POU2AF1: variants seen among roughly 807,000 people sequenced by gnomAD.
POU2AF1 encodes POU class 2 homeobox associating factor 1, also known as POU domain class 2-associating factor 1.
POU2AF1 carries 12 observed loss-of-function variants against 26.3 expected under a neutral mutation model. The observed-to-expected ratio is 0.46, with a 90% CI of 0.29 to 0.74. The LOEUF (loss-of-function observed/expected upper bound fraction) is 0.74, where lower values mean the gene tolerates loss of function less well. Among genes scored for constraint, POU2AF1 ranks in the 30% least tolerant of loss-of-function variants. POU2AF1 has a pLI of 0.09. For synonymous variants in POU2AF1, 175 were observed against 148.0 expected, an observed-to-expected ratio of 1.18 and a Z score of -1.32; for missense variants, 297 against 334.5, an observed-to-expected ratio of 0.89 and a Z score of 0.87.
intron 4 of POU2AF1, among the ~76,000 whole-genome samples, 192 bp downstream of exon 4, chr11:111,357,253 C>G (rs933078527): frequency 6.6e-6 from 1 of 152,100 alleles, no homozygotes; most frequent in Admixed American, 6.5e-5. Context: ...AGAGAGGCTG[C>G]GAGACATCTT....
intron 2 of POU2AF1, among the ~76,000 whole-genome samples, chr11:111,358,116 T>C (rs1028842552): frequency 1.3e-5 from 2 of 152,032 alleles, no homozygotes; most frequent in African/African-American, 4.8e-5. Context: ...ATTCGCTCAC[T>C]CAGGCCTTGA....
intron 1 of POU2AF1, among the ~76,000 whole-genome samples, chr11:111,367,582 A>G (rs4265625): frequency 0.64 from 97,373 of 151,898 alleles, 32,137 homozygotes; most frequent in Admixed American, 0.77. Context: ...TCTCTGCCCG[A>G]GCAAGTCCCA....
rs1001762211 is a variant in POU2AF1 at position 111,353,698 on chromosome 11, G to A, written c.*563C>T. On this transcript the variant is annotated 3_prime_UTR_variant, in exon 5 of 5. Transcript: ENST00000393067. The stretch of plus-strand genomic sequence containing the variant: ...CATACATCTTAAAATTACAGAGGGT[G>A]TGAGTGACCCTAAGATGGTTCAGCA... 26 of 236,700 alleles carry A rather than the reference G, an allele frequency of 1.1e-4. No homozygotes were observed. Among genetic ancestry groups the A allele is most frequent in the Non-Finnish European group, 1.7e-4 (21 of 120,902 alleles). The allele number at this position is 236,700 out of a possible 1,614,324, so 14.7% of individuals were successfully genotyped here.
rs925033556 is a variant in POU2AF1 at position 111,359,007 on chromosome 11, C to G, written c.17-89G>C. 17 of 1,516,746 alleles carry G rather than the reference C, an allele frequency of 1.1e-5. No individual in the cohort carries two copies. The African/African-American group carries it at 2.3e-4, about 21-fold the overall frequency. 94.0% of individuals were successfully genotyped at this position (1,516,746 alleles called of 1,614,324 possible). On this transcript the variant is annotated intron_variant, in intron 1 of 4. Transcript: ENST00000393067. ...TCATTTCCTCATGGATCTGCCTGCT[C>G]CCCTAAGTCGTGCTTGAACACGGAG...
intron 1 of POU2AF1, among the ~76,000 whole-genome samples, chr11:111,374,172 T>C (rs1861265659): frequency 6.8e-6 from 1 of 146,260 alleles, no homozygotes; most frequent in Non-Finnish European, 1.5e-5. Context: ...CAAGTGTGAA[T>C]TGGGAGAGAG....
chr11:111,357,758 A>T (rs1401658528), intron 3 of POU2AF1, 37 bp downstream of exon 3: 3 of 1,612,356 alleles, frequency 1.9e-6, no homozygotes, highest in Non-Finnish European at 2.5e-6. Context: ...CCCAGATGAG[A>T]GGCCTGGGGG....
intron 4 of POU2AF1, among the ~76,000 whole-genome samples, chr11:111,355,163 G>C (rs977595616): frequency 3.9e-5 from 6 of 152,150 alleles, no homozygotes; most frequent in Non-Finnish European, 8.8e-5. Flanking sequence ...CCCCAGATGG[G>C]GGAAGCACTG....
chr11:111,373,854 A>G (rs2135138687), intron 1 of POU2AF1, among the ~76,000 whole-genome samples: 1 of 152,370 alleles, frequency 6.6e-6, no homozygotes, highest in South Asian at 2.1e-4. Context: ...TTCTACAAAA[A>G]TGAGAAAACT....
intron 1 of POU2AF1, among the ~76,000 whole-genome samples, chr11:111,370,546 T>A (rs551779871): frequency 4.6e-5 from 7 of 152,216 alleles, no homozygotes; most frequent in Admixed American, 4.6e-4. Context: ...TGCCTGCAGG[T>A]GCCAACAGAG....
intron 4 of POU2AF1, among the ~76,000 whole-genome samples, chr11:111,356,196 G>A (rs376088324): frequency 6.6e-6 from 1 of 152,222 alleles, no homozygotes; most frequent in Non-Finnish European, 1.5e-5. Context: ...AGGAATCCTT[G>A]GTAATGAAAT....
chr11:111,370,621 G>A lies in POU2AF1; in HGVS notation c.16+8541C>T, dbSNP rs567554912. 4.6e-5 allele frequency among the ~76,000 whole-genome samples: 7 copies of A among 152,192 alleles called. No homozygotes were observed. The South Asian group carries it at 6.2e-4, about 14-fold the overall frequency. On this transcript the variant is annotated intron_variant, in intron 1 of 4. Transcript: ENST00000393067. ...GAGCTCCAGATAGCCCCCCAAAACC[G>A]CACGATTTTTATTCTTATACTGAAG...
intron 1 of POU2AF1, among the ~76,000 whole-genome samples, chr11:111,373,349 T>C (rs958119442): frequency 1.3e-5 from 2 of 152,196 alleles, no homozygotes; most frequent in African/African-American, 2.4e-5. Flanking sequence ...CCTTCTCACC[T>C]GGGAGCCATT....
chr11:111,370,061 T>C (rs1240338785), intron 1 of POU2AF1, among the ~76,000 whole-genome samples: 1 of 152,230 alleles, frequency 6.6e-6, no homozygotes, highest in African/African-American at 2.4e-5. Context: ...GCATTAGTTT[T>C]GTATTTGGGG....
chr11:111,353,829 TC>T lies in POU2AF1; in HGVS notation c.*431del. The T allele has an allele frequency of 3.7e-6, 1 of 272,794 alleles. No individual in the cohort carries two copies. Among genetic ancestry groups the T allele is most frequent in the Middle Eastern group, 1.0e-3 (1 of 962 alleles). 16.9% of individuals were successfully genotyped at this position (272,794 alleles called of 1,614,324 possible). On this transcript the variant is annotated 3_prime_UTR_variant, in exon 5 of 5. Coordinates refer to ENST00000393067, the MANE Select transcript of POU2AF1 (RefSeq NM_006235.3). ...TTGACATAAAATGTTATTGCTAAAATCCCTATAATTACCTCCCAAAATGGAA... is the reference window on the plus strand; with the variant it reads ...TTGACATAAAATGTTATTGCTAAAATCCTATAATTACCTCCCAAAATGGAA...
chr11:111,356,938 TAG>T (rs1355083295), intron 4 of POU2AF1, among the ~76,000 whole-genome samples: 1 of 152,202 alleles, frequency 6.6e-6, no homozygotes, highest in Non-Finnish European at 1.5e-5. Flanking sequence ...AATCTGACAG[TAG>T]AGACAGAACT....
At chr11:111,363,841 C>T (rs1183215242) in intron 1 of POU2AF1, 2 of 985,222 alleles carry the variant, frequency 2.0e-6, no homozygotes, top group East Asian at 1.1e-4. Flanking sequence ...ACCATTAATC[C>T]TGTGGTCTGA....
At chr11:111,378,886 G>A (rs7111520) in intron 1 of POU2AF1, among the ~76,000 whole-genome samples, 88,018 of 152,068 alleles carry the variant, frequency 0.58, 27,003 homozygotes, top group Admixed American at 0.72. Flanking sequence ...AGTGATTCAT[G>A]CACAGAAGCG....
chr11:111,369,174 A>T (rs1861161595), intron 1 of POU2AF1, among the ~76,000 whole-genome samples: 1 of 152,198 alleles, frequency 6.6e-6, no homozygotes, highest in African/African-American at 2.4e-5. Flanking sequence ...CTGGTAAAAG[A>T]CTTCGCTTTC....
At chr11:111,374,256 G>A (rs1861267421) in intron 1 of POU2AF1, among the ~76,000 whole-genome samples, 1 of 152,030 alleles carries the variant, frequency 6.6e-6, no homozygotes, top group South Asian at 2.1e-4. Flanking sequence ...ATAAGGGGCA[G>A]GAAGTAAAAT....
Sources: allele counts gnomAD v4.1 joint callset (sites outside exome capture counted in the v4.1 genomes callset), GRCh38; gene constraint gnomAD v4.1.1; transcripts MANE v1.5; gene names NCBI Gene and HGNC (gene_info 2026-07-23, HGNC 2026-07-21).